ZNF37A: variants seen among roughly 807,000 people sequenced by gnomAD.
ZNF37A encodes zinc finger protein 37a (KOX 21).
In ZNF37A, 10 loss-of-function variants were observed where a neutral mutation model predicts 12.3. That is an observed-to-expected ratio of 0.82 (90% CI 0.50 to 1.38). The LOEUF is 1.38. Among genes scored for constraint, ZNF37A ranks in the 40% most tolerant of loss-of-function variants. The pLI, the probability that ZNF37A is intolerant of heterozygous loss-of-function variation, is 0.00. For synonymous variants in ZNF37A, 207 were observed against 223.0 expected (o/e 0.93, Z 0.64); for missense variants, 580 against 651.2 (o/e 0.89, Z 1.19).
At chr10:38,115,114 T>A (rs199852230) in intron 6 of ZNF37A, 81 bp from the exon 7 acceptor site, 2 of 1,094,958 alleles carry the variant, frequency 1.8e-6, no homozygotes, top group East Asian at 2.6e-5. Flanking sequence ...TGTGTGTGTG[T>A]GTACTGTTTG....
At chr10:38,148,525 C>T (rs780037033) in exon 8 of ZNF37A, 2 of 152,310 alleles carry the variant, frequency 1.3e-5, no homozygotes, top group Middle Eastern at 6.8e-3. Flanking sequence ...ACACTCTGCC[C>T]AGGATCTCAG....
At chr10:38,097,352 G>A (rs1434356407) in intron 5 of ZNF37A, among the ~76,000 whole-genome samples, 1 of 152,020 alleles carries the variant, frequency 6.6e-6, no homozygotes, top group Non-Finnish European at 1.5e-5. Flanking sequence ...GGGCGAGGTG[G>A]GTGGATCATG....
chr10:38,111,731 T>C (rs2068671319), intron 5 of ZNF37A, among the ~76,000 whole-genome samples: 1 of 152,196 alleles, frequency 6.6e-6, no homozygotes, highest in South Asian at 2.1e-4. Flanking sequence ...GGATTCCCTT[T>C]AGCATTCCTT....
At chr10:38,136,586 C>CT (rs2070110889) in intron 7 of ZNF37A, among the ~76,000 whole-genome samples, 1 of 152,132 alleles carries the variant, frequency 6.6e-6, no homozygotes, top group African/African-American at 2.4e-5. Context: ...TCAATATTCT[C>CT]TGTCTTTTAA....
At chr10:38,142,355 GATA>G in intron 7 of ZNF37A, 1 of 152,292 alleles carries the variant, frequency 6.6e-6, no homozygotes, top group African/African-American at 2.4e-5. Flanking sequence ...CTGCTCTGAT[GATA>G]AATGTGAGAT....
chr10:38,108,424 A>G (rs2068327897), intron 5 of ZNF37A, among the ~76,000 whole-genome samples: 1 of 152,328 alleles, frequency 6.6e-6, no homozygotes, highest in South Asian at 2.1e-4. Flanking sequence ...ACACCCTAAC[A>G]TCACAAAAGA....
exon 8 of ZNF37A, chr10:38,147,467 A>C (rs924831438): frequency 1.7e-4 from 26 of 152,166 alleles, no homozygotes; most frequent in Non-Finnish European, 3.7e-4. Flanking sequence ...ACAAATCTAA[A>C]TTATTATTTG....
chr10:38,113,284 C>T (rs1266379435), intron 5 of ZNF37A, among the ~76,000 whole-genome samples: 1 of 136,868 alleles, frequency 7.3e-6, no homozygotes, highest in Non-Finnish European at 1.5e-5. Context: ...ACAGTCTTGG[C>T]TCACTGCAAT....
In ZNF37A at chr10:38,121,194, A is replaced by G. The variant is rs770780109; in HGVS notation, c.*2357A>G. ...AGTTTTTGAGGCCAGTACAACCTTGATAACAAAACCTAAAAAAAAAACAAC... is the reference window on the plus strand; with the variant it reads ...AGTTTTTGAGGCCAGTACAACCTTGGTAACAAAACCTAAAAAAAAAACAAC... On this transcript the variant is annotated 3_prime_UTR_variant, in exon 8 of 8. Transcript: ENST00000685332. 1 of 152,088 alleles carries G rather than the reference A, an allele frequency of 6.6e-6. No individual in the cohort carries two copies. Among genetic ancestry groups the G allele is most frequent in the Non-Finnish European group, 1.5e-5 (1 of 68,010 alleles). The allele number at this position is 152,088 out of a possible 1,614,324, so 9.4% of individuals were successfully genotyped here. A position where few individuals can be genotyped will look rare whatever the true frequency, so the allele number is the denominator to read the frequency against.
chr10:38,097,684 A>C (rs2067263863), intron 5 of ZNF37A, among the ~76,000 whole-genome samples: 1 of 150,346 alleles, frequency 6.7e-6, no homozygotes, highest in Non-Finnish European at 1.5e-5. Context: ...TAGGGTGATC[A>C]TGGGTTGTTA....
intron 7 of ZNF37A, among the ~76,000 whole-genome samples, chr10:38,131,879 A>C (rs1188710744): frequency 1.3e-5 from 2 of 152,090 alleles, no homozygotes; most frequent in Non-Finnish European, 2.9e-5. Flanking sequence ...AAAGTATTTA[A>C]TTCTTTTTAG....
Position 38,123,168 on chromosome 10 carries a change from G to T in ZNF37A, c.*4331G>T, listed in dbSNP as rs1407131205. On this transcript the variant is annotated 3_prime_UTR_variant, in exon 8 of 8. Transcript: ENST00000685332. Reference sequence around the variant, plus strand: ...GGGAAGTGCCACACAACCAGATCTTGTGAGTACTCAGATTTTGTGAGGGGT... The same window carrying T: ...GGGAAGTGCCACACAACCAGATCTTTTGAGTACTCAGATTTTGTGAGGGGT... The T allele has an allele frequency of 1.3e-5, 2 of 152,128 alleles. No individual in the cohort carries two copies. The highest frequency in any genetic ancestry group is 2.9e-5 in the Non-Finnish European group (2 of 68,054). The allele number at this position is 152,128 out of a possible 1,614,324, so 9.4% of individuals were successfully genotyped here.
intron 5 of ZNF37A, among the ~76,000 whole-genome samples, chr10:38,103,585 T>C (rs1590816637): frequency 6.6e-6 from 1 of 152,154 alleles, no homozygotes; most frequent in Non-Finnish European, 1.5e-5. Context: ...TGTCTGTGGG[T>C]CATATTATCT....
chr10:38,114,618 A>G (rs970870857), intron 5 of ZNF37A, 137 bp from the exon 6 acceptor site: 16 of 1,037,778 alleles, frequency 1.5e-5, no homozygotes, highest in African/African-American at 1.1e-4. Flanking sequence ...ATAAAACAAC[A>G]TATATCATAG....
intron 7 of ZNF37A, among the ~76,000 whole-genome samples, chr10:38,146,119 A>G (rs1158285600): frequency 6.6e-6 from 1 of 152,168 alleles, no homozygotes; most frequent in Non-Finnish European, 1.5e-5. Flanking sequence ...GAAAGAAACA[A>G]AATAGCTTGT....
In ZNF37A at chr10:38,112,755, CTTT is replaced by C. The variant is rs1564932039; in HGVS notation, c.16-1998_16-1996del. On this transcript the variant is annotated intron_variant, in intron 5 of 7. Coordinates refer to ENST00000685332, the MANE Select transcript of ZNF37A (RefSeq NM_001324250.3). ...ATTTTCTTTTCTTTTCTTTTCTTTT[CTTT>C]TCTTTTCTTTTCTTTTCTTTTCTTT... Among the ~76,000 whole-genome samples the C allele has an allele frequency of 6.0e-4, 31 of 51,428 alleles. 2 individuals are homozygous for C. The highest frequency in any genetic ancestry group is 1.6e-3 in the African/African-American group (21 of 13,070). The allele number at this position is 51,428 out of a possible 152,430, so 33.7% of individuals were successfully genotyped here.
At chr10:38,107,901 G>T (rs1046268490) in intron 5 of ZNF37A, among the ~76,000 whole-genome samples, 4 of 152,068 alleles carry the variant, frequency 2.6e-5, no homozygotes, top group African/African-American at 9.7e-5. Context: ...CACAATAATA[G>T]TGGGAGACTT....
rs760526622 is a variant in ZNF37A, at chr10:38,117,946, T to A, written c.795T>A (p.His265Gln). Residue 265 changes from histidine to glutamine, a missense_variant, in exon 8 of 8, where the codon CAT becomes CAA. Physicochemically the swap from His to Gln is conservative, Grantham distance 24. Coordinates refer to ENST00000685332, the MANE Select transcript of ZNF37A (RefSeq NM_001324250.3). ...TCCTTCATTTACAACAGAGAACACA[T>A]ACAGGAGAAAAACCTTATGAATGTC... ...KLVLHLQQRT[H>Q]TGEKPYECHE... 7 of 1,613,698 alleles carry A rather than the reference T, an allele frequency of 4.3e-6. No individual in the cohort carries two copies. In the African/African-American group the frequency reaches 6.7e-5, roughly 15 times the overall value.
chr10:38,099,505 A>C (rs1341788053), intron 5 of ZNF37A, among the ~76,000 whole-genome samples: 24 of 152,122 alleles, frequency 1.6e-4, no homozygotes, highest in South Asian at 2.1e-4. Flanking sequence ...CCCATGTTTT[A>C]TTAATTCATC....
Sources: gnomAD v4.1 joint callset for allele counts (sites outside exome capture counted in the v4.1 genomes callset) on GRCh38, gnomAD v4.1.1 for gene constraint, MANE v1.5 for transcripts, NCBI Gene and HGNC (gene_info 2026-07-23, HGNC 2026-07-21) for gene names.